Variants in RBFOX1 observed in about 807,000 individuals in gnomAD.
The protein encoded by RBFOX1 is RNA binding fox-1 homolog 1, also known as RNA binding protein fox-1 homolog 1.
RBFOX1 carries 8 observed loss-of-function variants against 57.7 expected under a neutral mutation model. The ratio of observed to expected loss-of-function variants is 0.14; its 90% CI spans 0.08 to 0.25. The LOEUF is 0.25. Among genes scored for constraint, RBFOX1 ranks in the 10% least tolerant of loss-of-function variants. RBFOX1 has a pLI of 1.00. For synonymous variants in RBFOX1, 326 were observed against 222.4 expected (o/e 1.47, Z -4.15); for missense variants, 611 against 548.5 (o/e 1.11, Z -1.14).
At chr16:7,026,853 C>T (rs1476503848) in intron 3 of RBFOX1, among the ~76,000 whole-genome samples, 1 of 152,212 alleles carries the variant, frequency 6.6e-6, no homozygotes, top group Non-Finnish European at 1.5e-5. Context: ...AGTCGGCTTG[C>T]TGTATCTCCT....
intron 3 of RBFOX1, among the ~76,000 whole-genome samples, chr16:6,683,509 C>G (rs1394691750): frequency 6.6e-6 from 1 of 152,048 alleles, no homozygotes; most frequent in Non-Finnish European, 1.5e-5. Context: ...TATATATAAA[C>G]AAAACTATAT....
intron 4 of RBFOX1, among the ~76,000 whole-genome samples, chr16:7,069,876 T>A (rs2056963968): frequency 6.6e-6 from 1 of 152,292 alleles, no homozygotes; most frequent in Admixed American, 6.5e-5. Flanking sequence ...AAATGTAGAA[T>A]TTGCGCTTGA....
intron 4 of RBFOX1, among the ~76,000 whole-genome samples, chr16:7,090,758 A>G (rs1336814880): frequency 2.0e-5 from 3 of 152,222 alleles, no homozygotes; most frequent in African/African-American, 4.8e-5. Flanking sequence ...CCACGGTAGG[A>G]GGGGGAAACA....
At chr16:6,202,578 CT>C (rs1212402318) in intron 1 of RBFOX1, among the ~76,000 whole-genome samples, 1 of 151,590 alleles carries the variant, frequency 6.6e-6, no homozygotes, top group African/African-American at 2.4e-5. Context: ...CAGTTTCTTT[CT>C]TTTATGCTGA....
intron 4 of RBFOX1, among the ~76,000 whole-genome samples, chr16:5,917,981 C>T (rs944507748): frequency 7.9e-5 from 12 of 152,118 alleles, no homozygotes; most frequent in Non-Finnish European, 1.5e-4. Flanking sequence ...TTATGCTCTC[C>T]CCACCTCTCA....
At chr16:6,925,485 C>T (rs1384616080) in intron 3 of RBFOX1, among the ~76,000 whole-genome samples, 3 of 115,728 alleles carry the variant, frequency 2.6e-5, no homozygotes, top group Admixed American at 8.7e-5. Context: ...TATTTATTGT[C>T]CTATCCACCC....
At chr16:7,599,801 T>TTG (rs2094916660) in intron 9 of RBFOX1, among the ~76,000 whole-genome samples, 1 of 149,892 alleles carries the variant, frequency 6.7e-6, no homozygotes, top group Non-Finnish European at 1.5e-5. Flanking sequence ...CCTGGCTAGT[T>TTG]TTTTTTTTTA....
chr16:6,708,195 C>T (rs555129159), intron 3 of RBFOX1, among the ~76,000 whole-genome samples: 1 of 152,172 alleles, frequency 6.6e-6, no homozygotes, highest in South Asian at 2.1e-4. Context: ...ATTAAGCCCC[C>T]TCCTTTGTTG....
intron 3 of RBFOX1, among the ~76,000 whole-genome samples, chr16:6,806,909 C>G: frequency 6.8e-6 from 1 of 146,926 alleles, no homozygotes; most frequent in Non-Finnish European, 1.5e-5. Context: ...TCTCAGCTCA[C>G]TGCAAACTCC....
chr16:6,916,017 A>T (rs1369072481), intron 3 of RBFOX1, among the ~76,000 whole-genome samples: 1 of 151,998 alleles, frequency 6.6e-6, no homozygotes, highest in Non-Finnish European at 1.5e-5. Flanking sequence ...AAACTTAAAG[A>T]CAGCTGTCTT....
At chr16:7,022,006 C>CTCCCA (rs2039355373) in intron 3 of RBFOX1, among the ~76,000 whole-genome samples, 1 of 13,626 alleles carries the variant, frequency 7.3e-5, no homozygotes, top group Non-Finnish European at 1.1e-4. Context: ...CCCCCTCTCC[C>CTCCCA]TCCCCTTCCC....
At chr16:7,226,407 C>T (rs147658484) in intron 4 of RBFOX1, among the ~76,000 whole-genome samples, 320 of 152,296 alleles carry the variant, frequency 2.1e-3, no homozygotes, top group Non-Finnish European at 3.2e-3. Flanking sequence ...ATGTCCACTA[C>T]AGGCCCTCAG....
chr16:5,270,434 A>T, intron 1 of RBFOX1: 1 of 953,784 alleles, frequency 1.0e-6, no homozygotes, highest in East Asian at 2.4e-5. Context: ...CAAGCTGATT[A>T]CTGAAGATGT....
At chr16:7,198,892 G>A (rs557650148) in intron 4 of RBFOX1, among the ~76,000 whole-genome samples, 3 of 152,266 alleles carry the variant, frequency 2.0e-5, no homozygotes, top group East Asian at 3.9e-4. Flanking sequence ...TGGTTCCCAG[G>A]CAATGAGTTG....
intron 4 of RBFOX1, among the ~76,000 whole-genome samples, chr16:7,243,242 G>A (rs1173122233): frequency 6.6e-6 from 1 of 152,120 alleles, no homozygotes; most frequent in Non-Finnish European, 1.5e-5. Context: ...TGGCATGAAT[G>A]TACCACATTT....
chr16:7,109,107 C>A (rs2064155536), intron 4 of RBFOX1, among the ~76,000 whole-genome samples: 1 of 152,084 alleles, frequency 6.6e-6, no homozygotes, highest in Non-Finnish European at 1.5e-5. Flanking sequence ...GAAAAAGAGC[C>A]ACCTCTTTGA....
intron 3 of RBFOX1, among the ~76,000 whole-genome samples, chr16:7,044,021 C>G (rs1032623339): frequency 6.6e-6 from 1 of 152,198 alleles, no homozygotes; most frequent in Non-Finnish European, 1.5e-5. Flanking sequence ...TACACTTTCA[C>G]TGTACAAATG....
At chr16:7,005,673 T>A (rs1188749400) in intron 3 of RBFOX1, among the ~76,000 whole-genome samples, 1 of 152,136 alleles carries the variant, frequency 6.6e-6, no homozygotes, top group African/African-American at 2.4e-5. Context: ...TCATAGAATA[T>A]CAGCATCAGA....
At chr16:6,556,357 C>T (rs752909334) in intron 2 of RBFOX1, among the ~76,000 whole-genome samples, 1 of 152,188 alleles carries the variant, frequency 6.6e-6, no homozygotes, top group Non-Finnish European at 1.5e-5. Flanking sequence ...AGATGTTGTT[C>T]AAACTGTGCC....
Sources: allele counts gnomAD v4.1 joint callset (sites outside exome capture counted in the v4.1 genomes callset), GRCh38; gene constraint gnomAD v4.1.1; transcripts MANE v1.5; gene names NCBI Gene and HGNC (gene_info 2026-07-23, HGNC 2026-07-21).